The following MAML2 variants were observed in gnomAD, a reference collection of about 807,000 sequenced individuals.
MAML2 encodes mastermind-like protein 2.
A neutral mutation model predicts 96.1 loss-of-function variants in MAML2; 22 were observed. The observed-to-expected ratio is 0.23, with a 90% CI of 0.16 to 0.33. The LOEUF (loss-of-function observed/expected upper bound fraction) is 0.33, where lower values mean the gene tolerates loss of function less well. Ranked by LOEUF, MAML2 falls within the 10% of genes least tolerant of loss-of-function variation. The pLI is 1.00. For missense variants in MAML2, 1,367 were observed against 1,392.4 expected (o/e 0.98, Z 0.29); for synonymous variants, 561 against 521.3 (o/e 1.08, Z -1.04).
intron 1 of MAML2, among the ~76,000 whole-genome samples, chr11:96,189,016 G>C (rs1002865312): frequency 6.6e-6 from 1 of 151,584 alleles, no homozygotes; most frequent in African/African-American, 2.4e-5. Flanking sequence ...CTGGAATTCA[G>C]TCACATCTTA....
intron 1 of MAML2, among the ~76,000 whole-genome samples, chr11:96,152,984 T>C (rs559101683): frequency 1.3e-5 from 2 of 152,256 alleles, no homozygotes; most frequent in East Asian, 3.9e-4. Flanking sequence ...ATTCTAATTA[T>C]CACATTTCTA....
chr11:96,291,102 G>GT, intron 1 of MAML2, among the ~76,000 whole-genome samples: 1 of 107,398 alleles, frequency 9.3e-6, no homozygotes, highest in Middle Eastern at 6.7e-3. Context: ...ATCTGTGTTA[G>GT]TTTTTCACAA....
chr11:96,233,582 A>T (rs985010902), intron 1 of MAML2, among the ~76,000 whole-genome samples: 10 of 151,898 alleles, frequency 6.6e-5, no homozygotes, highest in African/African-American at 2.4e-4. Flanking sequence ...TAATTTTTAA[A>T]TTTTTTGTAG....
At position 96,342,008 on chromosome 11, in the gene MAML2, A is replaced by G; in HGVS notation, c.-113T>C. On this transcript the variant is annotated 5_prime_UTR_variant, in exon 1 of 5. The change abolishes an upstream ATG in the 5' untranslated region. Transcript: ENST00000524717. ...ATGTGAGCTCAGTGTTCAGGGCCACATGAATAGAGGTCTTCAGAGGTTGTG... is the reference window on the plus strand; with the variant it reads ...ATGTGAGCTCAGTGTTCAGGGCCACGTGAATAGAGGTCTTCAGAGGTTGTG... 1 of 1,062,534 alleles carries G rather than the reference A, an allele frequency of 9.4e-7. No individual in the cohort carries two copies. Among genetic ancestry groups the G allele is most frequent in the Non-Finnish European group, 1.3e-6 (1 of 759,210 alleles). The allele number at this position is 1,062,534 out of a possible 1,614,324, so 65.8% of individuals were successfully genotyped here. A position where few individuals can be genotyped will look rare whatever the true frequency, so the allele number is the denominator to read the frequency against.
At chr11:96,023,231 T>C (rs1858463328) in intron 2 of MAML2, among the ~76,000 whole-genome samples, 1 of 152,146 alleles carries the variant, frequency 6.6e-6, no homozygotes, top group Admixed American at 6.5e-5. Context: ...CTGCGTCCCT[T>C]CCTGATTTGC....
chr11:95,979,050 G>A lies in MAML2; in HGVS notation c.3369C>T (p.Asn1123=), dbSNP rs1857690348. ...QQNDNMGPAL[N]SDADFIDSLL... ...AAGAATCAATGAAATCAGCATCACTGTTTAGGGCAGGGCCCATGTTATCAT... is the reference window on the plus strand; with the variant it reads ...AAGAATCAATGAAATCAGCATCACTATTTAGGGCAGGGCCCATGTTATCAT... The change falls in exon 5 of 5, where the codon AAC becomes AAT. Residue 1123 remains asparagine, a synonymous_variant. Transcript: ENST00000524717. 1 of 1,613,854 alleles carries A rather than the reference G, an allele frequency of 6.2e-7. No individual in the cohort carries two copies. The highest frequency in any genetic ancestry group is 8.5e-7 in the Non-Finnish European group (1 of 1,179,894).
At chr11:96,111,329 C>T (rs981633151) in intron 1 of MAML2, among the ~76,000 whole-genome samples, 2 of 152,050 alleles carry the variant, frequency 1.3e-5, no homozygotes, top group Non-Finnish European at 2.9e-5. Flanking sequence ...TCCCATTGAC[C>T]TGTACCTATT....
chr11:96,127,870 G>A (rs778073852), intron 1 of MAML2, among the ~76,000 whole-genome samples: 18 of 152,162 alleles, frequency 1.2e-4, no homozygotes, highest in Non-Finnish European at 2.4e-4. Context: ...CATTGGAAAC[G>A]TCAGAATGGA....
chr11:96,287,930 T>C (rs1863162105), intron 1 of MAML2, among the ~76,000 whole-genome samples: 1 of 152,214 alleles, frequency 6.6e-6, no homozygotes, highest in African/African-American at 2.4e-5. Context: ...TACACGTTGC[T>C]TGCAATTTTG....
intron 1 of MAML2, among the ~76,000 whole-genome samples, chr11:96,262,440 C>G (rs1030169234): frequency 4.0e-5 from 6 of 151,686 alleles, no homozygotes; most frequent in Admixed American, 6.6e-5. Flanking sequence ...CTCCAGTCAC[C>G]ATTTGTTCTT....
At chr11:96,274,667 G>A (rs1862962410) in intron 1 of MAML2, among the ~76,000 whole-genome samples, 1 of 152,120 alleles carries the variant, frequency 6.6e-6, no homozygotes, top group Admixed American at 6.5e-5. Flanking sequence ...GGCTAGCAAT[G>A]TGGAATTGCA....
At chr11:96,135,688 A>C (rs1860619203) in intron 1 of MAML2, among the ~76,000 whole-genome samples, 1 of 151,994 alleles carries the variant, frequency 6.6e-6, no homozygotes, top group Non-Finnish European at 1.5e-5. Context: ...TATTTCCTAA[A>C]AATTGGCATT....
chr11:96,302,594 T>C (rs920840403), intron 1 of MAML2, among the ~76,000 whole-genome samples: 2 of 152,228 alleles, frequency 1.3e-5, no homozygotes, highest in East Asian at 3.8e-4. Context: ...CTGAGGAGGT[T>C]CCCTGGAGAC....
intron 1 of MAML2, among the ~76,000 whole-genome samples, chr11:96,270,315 A>G (rs1336512801): frequency 1.3e-5 from 2 of 151,956 alleles, no homozygotes; most frequent in Non-Finnish European, 2.9e-5. Context: ...AGATACCACC[A>G]TTTCTTTTCT....
intron 1 of MAML2, among the ~76,000 whole-genome samples, chr11:96,245,693 C>T (rs1229603289): frequency 6.8e-6 from 1 of 147,850 alleles, no homozygotes; most frequent in African/African-American, 2.5e-5. Context: ...ACCTGAATCA[C>T]ACCCATACCT....
At chr11:96,289,316 A>G (rs1863179864) in intron 1 of MAML2, among the ~76,000 whole-genome samples, 1 of 152,200 alleles carries the variant, frequency 6.6e-6, no homozygotes, top group South Asian at 2.1e-4. Flanking sequence ...GTGCTTTTAT[A>G]TAATTATCCG....
At chr11:96,290,971 G>A (rs1354201088) in intron 1 of MAML2, among the ~76,000 whole-genome samples, 1 of 151,922 alleles carries the variant, frequency 6.6e-6, no homozygotes, top group Non-Finnish European at 1.5e-5. Context: ...CTTTTTGTAT[G>A]TAGCAGTGTA....
rs112597824 is a variant in MAML2, at chr11:96,234,135, C to T, written c.513+107248G>A. On this transcript the variant is annotated intron_variant, in intron 1 of 4. Transcript: ENST00000524717. ...CTGTATGTGTGCCCAAGTGAGGGTA[C>T]GCTGATCTAACTCCAATATACCTTG... Among the ~76,000 whole-genome samples the T allele has an allele frequency of 3.9e-4, 60 of 152,250 alleles. 1 individual carries two copies. The Middle Eastern group carries it at 0.01, about 26-fold the overall frequency.
chr11:96,101,609 C>T (rs952267253), intron 1 of MAML2, among the ~76,000 whole-genome samples: 1 of 152,130 alleles, frequency 6.6e-6, no homozygotes, highest in African/African-American at 2.4e-5. Context: ...CAATAATACC[C>T]CATGTCTCAG....
Sources: allele counts gnomAD v4.1 joint callset (sites outside exome capture counted in the v4.1 genomes callset), GRCh38; gene constraint gnomAD v4.1.1; transcripts MANE v1.5; gene names NCBI Gene and HGNC (gene_info 2026-07-23, HGNC 2026-07-21).